The following PPP3CC variants were observed in gnomAD, a reference collection of about 807,000 sequenced individuals.
The protein encoded by PPP3CC is protein phosphatase 3 catalytic subunit gamma.
A neutral mutation model predicts 60.3 loss-of-function variants in PPP3CC; 35 were observed. That is an observed-to-expected ratio of 0.58 (90% CI 0.44 to 0.77). The LOEUF (loss-of-function observed/expected upper bound fraction) is 0.77. Among genes scored for constraint, PPP3CC ranks in the 30% least tolerant of loss-of-function variants. The pLI, the probability that PPP3CC is intolerant of heterozygous loss-of-function variation, is 0.00. For missense variants in PPP3CC, 570 were observed against 628.9 expected (o/e 0.91, Z 1.00); for synonymous variants, 206 against 224.3 (o/e 0.92, Z 0.73).
chr8:22,485,014 A>G (rs894505035), intron 3 of PPP3CC, among the ~76,000 whole-genome samples: 1 of 152,178 alleles, frequency 6.6e-6, no homozygotes, highest in Non-Finnish European at 1.5e-5. Flanking sequence ...TGAGATACGC[A>G]TATCTTATTT....
Position 22,441,379 on chromosome 8 carries a change from C to T in PPP3CC, c.-31C>T, listed in dbSNP as rs773076014. The T allele has an allele frequency of 1.3e-5, 20 of 1,524,264 alleles. No individual in the cohort carries two copies. The highest frequency in any genetic ancestry group is 1.6e-5 in the Non-Finnish European group (18 of 1,137,364). The allele number at this position is 1,524,264 out of a possible 1,614,324, so 94.4% of individuals were successfully genotyped here. A position where few individuals can be genotyped will look rare whatever the true frequency, so the allele number is the denominator to read the frequency against. On this transcript the variant is annotated 5_prime_UTR_variant, in exon 1 of 14. Transcript: ENST00000240139. ...GCGGCGTAGGCGCACGTCCGGCGGG[C>T]TCCTGGAGCCTGGAGGAGGCCGAGG...
At chr8:22,479,794 C>T (rs909647380) in intron 3 of PPP3CC, among the ~76,000 whole-genome samples, 1 of 150,052 alleles carries the variant, frequency 6.7e-6, no homozygotes, top group Non-Finnish European at 1.5e-5. Context: ...TTGGGGCATA[C>T]ACACAGACTG....
At chr8:22,513,242 A>C in intron 5 of PPP3CC, 51 bp from the exon 6 acceptor site, 1 of 1,567,318 alleles carries the variant, frequency 6.4e-7, no homozygotes, top group Non-Finnish European at 8.6e-7. Flanking sequence ...AGTTTCCAAG[A>C]AGCCTTTTGC....
At chr8:22,512,799 G>A (rs181071486) in intron 5 of PPP3CC, among the ~76,000 whole-genome samples, 470 of 152,238 alleles carry the variant, frequency 3.1e-3, no homozygotes, top group Non-Finnish European at 4.9e-3. Flanking sequence ...ATTGCAGACC[G>A]GGCGCGGTGG....
chr8:22,488,764 A>G (rs1201168974), intron 3 of PPP3CC, among the ~76,000 whole-genome samples: 2 of 152,236 alleles, frequency 1.3e-5, no homozygotes, highest in African/African-American at 4.8e-5. Context: ...TGAAGAGGCA[A>G]TTGTTGAACA....
intron 1 of PPP3CC, among the ~76,000 whole-genome samples, chr8:22,471,863 A>T (rs1456305830): frequency 6.6e-6 from 1 of 152,108 alleles, no homozygotes; most frequent in East Asian, 1.9e-4. Flanking sequence ...ATGGTGGCTC[A>T]CTCCTGTAAT....
chr8:22,475,139 G>C lies in PPP3CC; in HGVS notation c.235G>C (p.Ala79Pro), dbSNP rs753508772. The C allele has an allele frequency of 6.2e-6, 10 of 1,610,438 alleles. No individual in the cohort carries two copies. The highest frequency in any genetic ancestry group is 8.5e-6 in the Non-Finnish European group (10 of 1,177,706). Residue 79 changes from alanine to proline, a missense_variant, in exon 2 of 14, where the codon GCT becomes CCT. Physicochemically the swap from Ala to Pro is conservative, Grantham distance 27. Transcript: ENST00000240139. ...AGAGAAGACTATGATAGAAGTAGAT[G>C]CTCCAATCACAGGTATAAAAAGTCT... is the stretch of plus-strand genomic sequence containing the variant. ...RQEKTMIEVD[A>P]PITVCGDIHG...
chr8:22,528,416 TTAACA>T, intron 9 of PPP3CC, 85 bp from the exon 10 acceptor site: 2 of 797,166 alleles, frequency 2.5e-6, no homozygotes, highest in Non-Finnish European at 3.7e-6. Flanking sequence ...TTATGCTTAC[TTAACA>T]TGTGTGTTTA....
chr8:22,518,408 G>C (rs1399725514), intron 6 of PPP3CC, among the ~76,000 whole-genome samples: 1 of 152,138 alleles, frequency 6.6e-6, no homozygotes, highest in Non-Finnish European at 1.5e-5. Flanking sequence ...GTTTTCTTAA[G>C]TTATTGATTT....
At position 22,460,754 on chromosome 8, in the gene PPP3CC, C is replaced by T. The variant is rs375616076; in HGVS notation, c.50-14200C>T. Among the ~76,000 whole-genome samples the T allele has an allele frequency of 7.2e-5, 11 of 152,190 alleles. No homozygotes were observed. The South Asian group carries it at 1.5e-3, about 20-fold the overall frequency. Reference sequence around the variant, plus strand: ...GGATTGCTTGAGGAGTTCGAGGCTACCGTGAGGCATGATCAAGCAGCTGCA... The same window carrying T: ...GGATTGCTTGAGGAGTTCGAGGCTATCGTGAGGCATGATCAAGCAGCTGCA... On this transcript the variant is annotated intron_variant, in intron 1 of 13. Coordinates refer to ENST00000240139, the MANE Select transcript of PPP3CC (RefSeq NM_005605.5).
At chr8:22,474,680 G>A (rs907033537) in intron 1 of PPP3CC, among the ~76,000 whole-genome samples, 3 of 152,070 alleles carry the variant, frequency 2.0e-5, no homozygotes, top group Non-Finnish European at 4.4e-5. Flanking sequence ...TTCCAGCCTG[G>A]GTTGACAGAG....
At chr8:22,527,347 G>A in intron 8 of PPP3CC, 45 bp from the exon 9 acceptor site, 1 of 1,603,488 alleles carries the variant, frequency 6.2e-7, no homozygotes, top group African/African-American at 1.3e-5. Flanking sequence ...CACTTGCCAT[G>A]CCATGTTCCT....
intron 12 of PPP3CC, among the ~76,000 whole-genome samples, chr8:22,534,576 C>G (rs758138091): frequency 6.6e-6 from 1 of 152,178 alleles, no homozygotes; most frequent in Non-Finnish European, 1.5e-5. Context: ...TGTAACCCAG[C>G]AGTTCCACAC....
intron 1 of PPP3CC, among the ~76,000 whole-genome samples, chr8:22,449,621 T>A (rs1836944355): frequency 6.6e-6 from 1 of 152,038 alleles, no homozygotes; most frequent in Non-Finnish European, 1.5e-5. Flanking sequence ...GCAGCTTGTT[T>A]AGCAGAAAAA....
At chr8:22,443,954 C>T (rs1402171324) in intron 1 of PPP3CC, among the ~76,000 whole-genome samples, 1 of 152,174 alleles carries the variant, frequency 6.6e-6, no homozygotes, top group African/African-American at 2.4e-5. Context: ...GAGGTGATAC[C>T]ACACCCCAGC....
At chr8:22,523,424 T>C (rs992211172) in intron 8 of PPP3CC, among the ~76,000 whole-genome samples, 1 of 152,216 alleles carries the variant, frequency 6.6e-6, no homozygotes, top group African/African-American at 2.4e-5. Context: ...ATCGAGGCAG[T>C]GGTCCTACTA....
intron 5 of PPP3CC, 128 bp from the exon 6 acceptor site, chr8:22,513,164 TA>T: frequency 1.4e-6 from 1 of 739,926 alleles, no homozygotes; most frequent in South Asian, 3.9e-5. Context: ...GAAAGTCCTT[TA>T]GGGGCACACT....
chr8:22,463,555 A>T (rs1339150413), intron 1 of PPP3CC, among the ~76,000 whole-genome samples: 3 of 152,164 alleles, frequency 2.0e-5, no homozygotes, highest in Non-Finnish European at 4.4e-5. Flanking sequence ...AATGGAAGGG[A>T]GTGGAATCTT....
intron 10 of PPP3CC, chr8:22,531,474 C>T: frequency 3.7e-6 from 3 of 810,488 alleles, no homozygotes; most frequent in Non-Finnish European, 5.8e-6. Flanking sequence ...TTTCTCTGGA[C>T]CTGTTGCGTG....
Sources: gnomAD v4.1 joint callset for allele counts (sites outside exome capture counted in the v4.1 genomes callset) on GRCh38, gnomAD v4.1.1 for gene constraint, MANE v1.5 for transcripts, NCBI Gene and HGNC (gene_info 2026-07-23, HGNC 2026-07-21) for gene names.